FMN2: variants seen among roughly 807,000 people sequenced by gnomAD.
FMN2 encodes the protein formin 2.
Under a neutral mutation model 142.3 loss-of-function variants are expected in FMN2, and 51 were observed. That is an observed-to-expected ratio of 0.36 (90% CI 0.29 to 0.45). FMN2 has a LOEUF of 0.45. Among genes scored for constraint, FMN2 ranks in the 20% least tolerant of loss-of-function variants. FMN2 has a pLI of 1.00. For synonymous variants in FMN2, 882 were observed against 869.8 expected, an observed-to-expected ratio of 1.01 and a Z score of -0.25; for missense variants, 1,936 against 2,122.8, an observed-to-expected ratio of 0.91 and a Z score of 1.73.
rs759540323 is a variant in FMN2, at chr1:240,188,295, AT to A, written c.1986+34del. The A allele has an allele frequency of 6.2e-6, 10 of 1,603,042 alleles. No homozygotes were observed. In the East Asian group the frequency reaches 1.3e-4, roughly 21 times the overall value. ...GATCTTATTAGGATGTCAGATTCCCATCTGTCTTATTTGTCTTAAGATTGTG... is the reference window on the plus strand; with the variant it reads ...GATCTTATTAGGATGTCAGATTCCCACTGTCTTATTTGTCTTAAGATTGTG... On this transcript the variant is annotated intron_variant, in intron 4 of 17. Coordinates refer to ENST00000319653, the MANE Select transcript of FMN2 (RefSeq NM_020066.5).
At chr1:240,096,139 G>A (rs929566643) in intron 1 of FMN2, among the ~76,000 whole-genome samples, 11 of 152,172 alleles carry the variant, frequency 7.2e-5, no homozygotes, top group Admixed American at 7.2e-4. Context: ...GATTCATTCA[G>A]AGGCAGATCC....
At chr1:240,148,919 T>C (rs931865448) in intron 2 of FMN2, among the ~76,000 whole-genome samples, 4 of 151,012 alleles carry the variant, frequency 2.6e-5, no homozygotes, top group Non-Finnish European at 4.4e-5. Context: ...TTGCAGTGAG[T>C]CTAGATCGCG....
intron 2 of FMN2, chr1:240,144,806 T>G: frequency 4.9e-6 from 7 of 1,434,576 alleles, no homozygotes; most frequent in Non-Finnish European, 6.9e-6. Context: ...GGGGACGATT[T>G]CCTTCACCAG....
intron 8 of FMN2, among the ~76,000 whole-genome samples, chr1:240,301,236 AT>A (rs1430357704): frequency 6.6e-6 from 1 of 151,190 alleles, no homozygotes; most frequent in African/African-American, 2.4e-5. Flanking sequence ...ATCACAATGT[AT>A]ATTCCTAACC....
intron 16 of FMN2, among the ~76,000 whole-genome samples, chr1:240,471,268 G>T (rs1676798830): frequency 6.6e-6 from 1 of 152,134 alleles, no homozygotes; most frequent in African/African-American, 2.4e-5. Flanking sequence ...TTTAGAAACT[G>T]CTCAAGTATT....
chr1:240,281,442 G>C (rs1259277296), intron 7 of FMN2, among the ~76,000 whole-genome samples: 1 of 152,100 alleles, frequency 6.6e-6, no homozygotes, highest in Non-Finnish European at 1.5e-5. Context: ...AACTCTACTA[G>C]GGCAGGAACC....
At chr1:240,173,082 C>T (rs1664775560) in intron 2 of FMN2, among the ~76,000 whole-genome samples, 2 of 152,066 alleles carry the variant, frequency 1.3e-5, no homozygotes, top group Non-Finnish European at 1.5e-5. Flanking sequence ...ACTACAGGCG[C>T]CTGCCACCAC....
At position 240,093,036 on chromosome 1, in the gene FMN2, A is replaced by C. The variant is rs542716680; in HGVS notation, c.927A>C (p.Ala309=). ...LPVSEAPSLP[A]AQPAAKDSPS... ...TCTCCGAGGCGCCCAGTCTCCCGGC[A>C]GCGCAACCCGCGGCCAAAGACTCGC... Residue 309 remains alanine (A), a synonymous_variant, in exon 1 of 18, where the codon GCA becomes GCC. Coordinates refer to ENST00000319653, the MANE Select transcript of FMN2 (RefSeq NM_020066.5). 7.2e-7 allele frequency: 1 copy of C among 1,393,238 alleles called. No individual in the cohort carries two copies. Among genetic ancestry groups the C allele is most frequent in the East Asian group, 2.9e-5 (1 of 34,396 alleles). 86.3% of individuals were successfully genotyped at this position (1,393,238 alleles called of 1,614,324 possible).
intron 2 of FMN2, among the ~76,000 whole-genome samples, chr1:240,136,550 CT>C (rs914955082): frequency 6.6e-6 from 1 of 152,000 alleles, no homozygotes; most frequent in Non-Finnish European, 1.5e-5. Context: ...ACAACTGGTA[CT>C]TTTTTTTAAT....
At position 240,093,206 on chromosome 1, in the gene FMN2, G is replaced by T; in HGVS notation, c.1097G>T (p.Trp366Leu). The T allele has an allele frequency of 6.7e-7, 1 of 1,496,200 alleles. No homozygotes were observed. Among genetic ancestry groups the T allele is most frequent in the Non-Finnish European group, 8.9e-7 (1 of 1,124,324 alleles). The allele number at this position is 1,496,200 out of a possible 1,614,324, so 92.7% of individuals were successfully genotyped here. ...CCCCGGGGCTCTCCGGGGGAGGAGTGGGCCCCGGAGGTGGGAGAGGACGCC... is the reference window on the plus strand; with the variant it reads ...CCCCGGGGCTCTCCGGGGGAGGAGTTGGCCCCGGAGGTGGGAGAGGACGCC... Reference protein sequence around the residue: ...DAPRGSPGEEWAPEVGEDAPQ... With the variant: ...DAPRGSPGEELAPEVGEDAPQ... Residue 366 changes from tryptophan to leucine, a missense_variant, in exon 1 of 18, where the codon TGG becomes TTG. By Grantham distance (61) the Trp-to-Leu change is moderately conservative (BLOSUM62 -2). Around this residue, in one of 8 missense-constraint regions of FMN2, gnomAD observed 751 missense variants for 791.8 expected, o/e 0.95. Transcript: ENST00000319653.
At chr1:240,193,317 A>G (rs1665785822) in intron 4 of FMN2, among the ~76,000 whole-genome samples, 2 of 152,164 alleles carry the variant, frequency 1.3e-5, no homozygotes, top group African/African-American at 4.8e-5. Context: ...GAAGAATTAT[A>G]AGACAAAATC....
chr1:240,145,328 G>A, intron 2 of FMN2: 1 of 1,059,044 alleles, frequency 9.4e-7, no homozygotes, highest in Non-Finnish European at 1.3e-6. Context: ...CGCCGCTGGG[G>A]GCTGCTGGGA....
At chr1:240,458,151 T>C (rs1676314726) in intron 16 of FMN2, 1 of 152,192 alleles carries the variant, frequency 6.6e-6, no homozygotes, top group Non-Finnish European at 1.5e-5. Context: ...TAGGGTTTTG[T>C]TTTTGTGTTT....
intron 8 of FMN2, among the ~76,000 whole-genome samples, chr1:240,326,738 G>A (rs779377991): frequency 6.6e-6 from 1 of 151,816 alleles, no homozygotes; most frequent in Non-Finnish European, 1.5e-5. Flanking sequence ...TGAGGTTTTG[G>A]GTATAGAAAG....
At chr1:240,425,579 C>T (rs990204299) in intron 15 of FMN2, among the ~76,000 whole-genome samples, 20 of 152,098 alleles carry the variant, frequency 1.3e-4, no homozygotes, top group South Asian at 2.1e-4. Flanking sequence ...TTCTGGTTGT[C>T]GTAGAATAAA....
intron 6 of FMN2, among the ~76,000 whole-genome samples, chr1:240,227,591 C>A (rs1015671909): frequency 1.3e-5 from 2 of 152,114 alleles, no homozygotes; most frequent in African/African-American, 4.8e-5. Flanking sequence ...TACTGGCATA[C>A]TAATACACAT....
chr1:240,134,308 C>T (rs1474378056), intron 2 of FMN2, among the ~76,000 whole-genome samples: 2 of 151,938 alleles, frequency 1.3e-5, no homozygotes, highest in African/African-American at 4.8e-5. Flanking sequence ...CAAAGGTTGC[C>T]TATGTTTGAT....
intron 1 of FMN2, among the ~76,000 whole-genome samples, chr1:240,094,617 C>T (rs1393327401): frequency 6.6e-6 from 1 of 152,032 alleles, no homozygotes; most frequent in Non-Finnish European, 1.5e-5. Flanking sequence ...ACCTTAAGAG[C>T]CCAACATGTT....
intron 3 of FMN2, among the ~76,000 whole-genome samples, chr1:240,186,032 A>G (rs192013005): frequency 1.3e-5 from 2 of 152,196 alleles, no homozygotes; most frequent in African/African-American, 2.4e-5. Flanking sequence ...ATGATATGCT[A>G]TATTTATCTG....
Sources: gnomAD v4.1 joint callset for allele counts (sites outside exome capture counted in the v4.1 genomes callset) on GRCh38, gnomAD v4.1.1 for gene constraint, gnomAD v4.1.1 regional missense constraint, MANE v1.5 for transcripts, NCBI Gene and HGNC (gene_info 2026-07-23, HGNC 2026-07-21) for gene names.